NRXN1: variants seen among roughly 807,000 people sequenced by gnomAD.
NRXN1 encodes neurexin 1, also known as neurexin-1.
In NRXN1, 39 loss-of-function variants were observed where a neutral mutation model predicts 150.9. The ratio of observed to expected loss-of-function variants is 0.26; its 90% CI spans 0.20 to 0.34. NRXN1 has a LOEUF of 0.34. Ranked by LOEUF, NRXN1 falls within the 10% of genes least tolerant of loss-of-function variation. NRXN1 has a pLI of 1.00. For missense variants in NRXN1, 1,815 were observed against 1,949.9 expected, an observed-to-expected ratio of 0.93 and a Z score of 1.30; for synonymous variants, 924 against 757.0, an observed-to-expected ratio of 1.22 and a Z score of -3.62.
At chr2:50,511,405 A>C (rs1490917817) in intron 12 of NRXN1, among the ~76,000 whole-genome samples, 1 of 152,220 alleles carries the variant, frequency 6.6e-6, no homozygotes, top group Non-Finnish European at 1.5e-5. Context: ...ATGCTGATTT[A>C]GAATGAATTT....
chr2:50,054,007 T>C (rs1307146196), intron 20 of NRXN1, among the ~76,000 whole-genome samples: 1 of 152,208 alleles, frequency 6.6e-6, no homozygotes, highest in African/African-American at 2.4e-5. Context: ...TGAAATCTAA[T>C]TTAAATTTTA....
At chr2:50,653,351 C>A (rs773432633) in intron 5 of NRXN1, among the ~76,000 whole-genome samples, 2 of 152,056 alleles carry the variant, frequency 1.3e-5, no homozygotes, top group Non-Finnish European at 2.9e-5. Context: ...TGATTGGCTG[C>A]AGTCAATGTT....
chr2:50,365,648 G>A (rs2079531966), intron 17 of NRXN1, among the ~76,000 whole-genome samples: 1 of 151,950 alleles, frequency 6.6e-6, no homozygotes, highest in Non-Finnish European at 1.5e-5. Flanking sequence ...CCATCACACT[G>A]TTGACAGATA....
At chr2:50,660,640 C>G (rs1687160096) in intron 5 of NRXN1, among the ~76,000 whole-genome samples, 1 of 152,014 alleles carries the variant, frequency 6.6e-6, no homozygotes, top group Non-Finnish European at 1.5e-5. Context: ...AGAGGCTTGA[C>G]AGTAGCAAGA....
chr2:50,925,919 T>A lies in NRXN1; in HGVS notation c.790+19A>T. On this transcript the variant is annotated intron_variant, in intron 3 of 22. Transcript: ENST00000401669. ...AAAGGACAAATGAGAGTTGGAAAAA[T>A]AAGGTAGAAAGCACCCACCTTCCAC... The A allele has an allele frequency of 6.4e-7, 1 of 1,563,360 alleles. No homozygotes were observed. Among genetic ancestry groups the A allele is most frequent in the Non-Finnish European group, 8.7e-7 (1 of 1,150,796 alleles).
intron 5 of NRXN1, among the ~76,000 whole-genome samples, chr2:50,768,766 C>G (rs754156677): frequency 3.1e-4 from 47 of 152,014 alleles, no homozygotes; most frequent in Middle Eastern, 3.4e-3. Context: ...AGTTCATACC[C>G]TTAGTAAAAT....
At chr2:50,934,208 T>C (rs1266372327) in intron 2 of NRXN1, among the ~76,000 whole-genome samples, 1 of 152,114 alleles carries the variant, frequency 6.6e-6, no homozygotes, top group Non-Finnish European at 1.5e-5. Flanking sequence ...CAAACTGTGA[T>C]ATTTTTCTCA....
rs1264944209 is a variant in NRXN1 at position 50,803,011 on chromosome 2, T to C, written c.832+118858A>G. ...TACAACTATGAAATGATAGTTTCTT[T>C]TGCTGTAAGTCACCCAGCTTTTGGT... On this transcript the variant is annotated intron_variant, in intron 5 of 22. Transcript: ENST00000401669. 3.9e-5 allele frequency among the ~76,000 whole-genome samples: 6 copies of C among 152,342 alleles called. No homozygotes were observed. In the South Asian group the frequency reaches 6.2e-4, roughly 16 times the overall value.
chr2:50,334,277 G>A (rs570856292), intron 17 of NRXN1, among the ~76,000 whole-genome samples: 48 of 149,426 alleles, frequency 3.2e-4, no homozygotes, highest in East Asian at 1.4e-3. Flanking sequence ...ATACACACAC[G>A]TACATACAAA....
At chr2:50,746,260 T>C (rs1010298646) in intron 5 of NRXN1, among the ~76,000 whole-genome samples, 12 of 151,932 alleles carry the variant, frequency 7.9e-5, no homozygotes, top group Admixed American at 7.2e-4. Context: ...TACTACTGTA[T>C]CAATGAAAAG....
At chr2:50,965,703 T>C (rs1022848239) in intron 2 of NRXN1, among the ~76,000 whole-genome samples, 3 of 151,612 alleles carry the variant, frequency 2.0e-5, no homozygotes, top group African/African-American at 2.4e-5. Flanking sequence ...GTTTTAATGC[T>C]GACAAGAAAT....
intron 5 of NRXN1, among the ~76,000 whole-genome samples, chr2:50,847,067 G>T (rs1167009640): frequency 6.6e-6 from 1 of 152,050 alleles, no homozygotes; most frequent in Admixed American, 6.5e-5. Context: ...AGATAAGGAG[G>T]AACTTATATT....
chr2:50,648,485 T>C (rs1685133241), intron 5 of NRXN1, among the ~76,000 whole-genome samples: 1 of 152,002 alleles, frequency 6.6e-6, no homozygotes, highest in Non-Finnish European at 1.5e-5. Context: ...AGATCATTTA[T>C]CATAGGCTTG....
chr2:50,592,371 C>G (rs1035402970), intron 8 of NRXN1, among the ~76,000 whole-genome samples: 3 of 152,200 alleles, frequency 2.0e-5, no homozygotes, highest in Non-Finnish European at 4.4e-5. Context: ...AGCACATAAA[C>G]TGCCTGCACT....
At chr2:50,461,490 G>C (rs1232442327) in intron 17 of NRXN1, among the ~76,000 whole-genome samples, 1 of 152,012 alleles carries the variant, frequency 6.6e-6, no homozygotes, top group East Asian at 1.9e-4. Flanking sequence ...CATTAAGTTA[G>C]CTTAATATGG....
intron 15 of NRXN1, among the ~76,000 whole-genome samples, chr2:50,487,334 C>G (rs1041835109): frequency 3.9e-5 from 6 of 152,036 alleles, no homozygotes; most frequent in Non-Finnish European, 8.8e-5. Flanking sequence ...ATTGTCCTTA[C>G]GAACAACCAA....
intron 21 of NRXN1, among the ~76,000 whole-genome samples, chr2:49,957,000 T>C (rs1256015679): frequency 1.3e-5 from 2 of 152,154 alleles, no homozygotes; most frequent in Admixed American, 6.6e-5. Context: ...GAGTTGGAAC[T>C]GATGAAATTG....
chr2:50,313,586 C>T (rs78547235), intron 17 of NRXN1, among the ~76,000 whole-genome samples: 1 of 152,148 alleles, frequency 6.6e-6, no homozygotes, highest in Admixed American at 6.6e-5. Flanking sequence ...GGAATCTGGG[C>T]AGGTATAACA....
At chr2:50,054,429 T>A (rs555850254) in intron 20 of NRXN1, among the ~76,000 whole-genome samples, 1 of 152,294 alleles carries the variant, frequency 6.6e-6, no homozygotes, top group South Asian at 2.1e-4. Context: ...AACTTTAAGT[T>A]CAGTTTTAAT....
Sources: gnomAD v4.1 joint callset for allele counts (sites outside exome capture counted in the v4.1 genomes callset) on GRCh38, gnomAD v4.1.1 for gene constraint, MANE v1.5 for transcripts, NCBI Gene and HGNC (gene_info 2026-07-23, HGNC 2026-07-21) for gene names.